SYT2: variants seen among roughly 807,000 people sequenced by gnomAD.
SYT2 encodes synaptotagmin-2.
Under a neutral mutation model 39.9 loss-of-function variants are expected in SYT2, and 15 were observed. The ratio of observed to expected loss-of-function variants is 0.38; its 90% confidence interval spans 0.25 to 0.58. The LOEUF (loss-of-function observed/expected upper bound fraction) is 0.58. Among genes scored for constraint, SYT2 ranks in the 20% least tolerant of loss-of-function variants. The pLI, the probability that SYT2 is intolerant of heterozygous loss-of-function variation, is 0.70. For missense variants in SYT2, 389 were observed against 530.3 expected (o/e 0.73, Z 2.62); for synonymous variants, 181 against 204.5 (o/e 0.89, Z 0.98).
chr1:202,684,269 A>T (rs1434636027), intron 1 of SYT2, among the ~76,000 whole-genome samples: 2 of 151,980 alleles, frequency 1.3e-5, no homozygotes, highest in African/African-American at 4.8e-5. Flanking sequence ...ATCCTACATG[A>T]CTGCAAGTTG....
chr1:202,679,987 C>T (rs781183814), intron 1 of SYT2, among the ~76,000 whole-genome samples: 1 of 152,216 alleles, frequency 6.6e-6, no homozygotes, highest in Non-Finnish European at 1.5e-5. Flanking sequence ...TATCAAATGT[C>T]ACCTCCTCTG....
rs575136139 is a variant in SYT2, at chr1:202,638,666, A to C, written c.-17-32877T>G. ...AGGGTTATTTAATGCGGAAAATCCA[A>C]AGGCTCCTTCAGAAGTCAAGTGCTC... is the stretch of plus-strand genomic sequence containing the variant. On this transcript the variant is annotated intron_variant, in intron 1 of 8. Transcript: ENST00000367268. Among the ~76,000 whole-genome samples the C allele has an allele frequency of 1.3e-4, 20 of 152,294 alleles. No homozygotes were observed. In the South Asian group the frequency reaches 4.1e-3, roughly 32 times the overall value.
chr1:202,653,433 C>T (rs140680338), intron 1 of SYT2, among the ~76,000 whole-genome samples: 2 of 152,334 alleles, frequency 1.3e-5, no homozygotes, highest in Non-Finnish European at 2.9e-5. Flanking sequence ...TTTGCTTGTA[C>T]TACCACAGGG....
At chr1:202,674,259 G>A (rs1325594490) in intron 1 of SYT2, among the ~76,000 whole-genome samples, 1 of 152,108 alleles carries the variant, frequency 6.6e-6, no homozygotes, top group Non-Finnish European at 1.5e-5. Context: ...GTACCACCAC[G>A]TGCAGCTAAT....
chr1:202,604,640 T>A lies in SYT2; in HGVS notation c.179-19A>T. 6.2e-7 allele frequency: 1 copy of A among 1,610,966 alleles called. No homozygotes were observed. The highest frequency in any genetic ancestry group is 8.5e-7 in the Non-Finnish European group (1 of 1,177,964). ...GGTGGTACTGCCCACACAGAGAAGA[T>A]CCCAGGGTCAGCAGTGCCATGCCTT... On this transcript the variant is annotated intron_variant, in intron 2 of 8. Transcript: ENST00000367268.
intron 1 of SYT2, chr1:202,627,583 G>A (rs1373409172): frequency 1.0e-6 from 1 of 985,204 alleles, no homozygotes; most frequent in African/African-American, 1.7e-5. Flanking sequence ...CATGGGGAAA[G>A]GAGATCCAGT....
Position 202,683,460 on chromosome 1 carries a change from G to A in SYT2, c.-18+26798C>T, listed in dbSNP as rs373502068. 9.8e-5 allele frequency among the ~76,000 whole-genome samples: 15 copies of A among 152,304 alleles called. No individual in the cohort carries two copies. In the East Asian group the frequency reaches 1.2e-3, roughly 12 times the overall value. ...CAGTCACAAAAGAGTGTATACTGGC[G>A]AATGTGGTGGCTCTCGCCTGTAATC... is the stretch of plus-strand genomic sequence containing the variant. On this transcript the variant is annotated intron_variant, in intron 1 of 8. Coordinates refer to ENST00000367268, the MANE Select transcript of SYT2 (RefSeq NM_177402.5).
chr1:202,695,393 A>C (rs1653947846), intron 1 of SYT2, among the ~76,000 whole-genome samples: 1 of 152,120 alleles, frequency 6.6e-6, no homozygotes, highest in Non-Finnish European at 1.5e-5. Context: ...CAAGGAACCC[A>C]TCTCCAGCCC....
chr1:202,674,573 T>C (rs953387456), intron 1 of SYT2, among the ~76,000 whole-genome samples: 1 of 152,226 alleles, frequency 6.6e-6, no homozygotes, highest in Non-Finnish European at 1.5e-5. Context: ...TGAGATTATG[T>C]GTGTTCAATC....
intron 1 of SYT2, among the ~76,000 whole-genome samples, chr1:202,625,250 GGT>G (rs1454061661): frequency 9.0e-5 from 10 of 110,844 alleles, no homozygotes; most frequent in Non-Finnish European, 1.8e-4. Context: ...GTGTGTGTGT[GGT>G]GTGTGTGGCA....
intron 1 of SYT2, among the ~76,000 whole-genome samples, chr1:202,691,771 GAGAGAGAGAGAGAT>G (rs1465833683): frequency 4.2e-5 from 6 of 144,012 alleles, no homozygotes; most frequent in African/African-American, 5.2e-5. Context: ...GAGAGAGAGA[GAGAGAGAGAGAGAT>G]GGGAGAGGGT....
At chr1:202,636,830 T>C (rs912364750) in intron 1 of SYT2, among the ~76,000 whole-genome samples, 2 of 152,256 alleles carry the variant, frequency 1.3e-5, no homozygotes, top group African/African-American at 4.8e-5. Context: ...GCAAGCTATT[T>C]CATTTCCATT....
At chr1:202,699,187 A>AT (rs1654051370) in intron 1 of SYT2, among the ~76,000 whole-genome samples, 1 of 151,046 alleles carries the variant, frequency 6.6e-6, no homozygotes, top group Middle Eastern at 3.4e-3. Flanking sequence ...CGTCCAGCTA[A>AT]TTTTTTTTAT....
chr1:202,671,526 A>G (rs1320743165), intron 1 of SYT2, among the ~76,000 whole-genome samples: 1 of 152,226 alleles, frequency 6.6e-6, no homozygotes, highest in Non-Finnish European at 1.5e-5. Context: ...AGACAACAAA[A>G]ACCCAGAGCT....
chr1:202,685,002 T>C (rs2149114358), intron 1 of SYT2, among the ~76,000 whole-genome samples: 1 of 152,150 alleles, frequency 6.6e-6, no homozygotes, highest in East Asian at 1.9e-4. Context: ...GTGACCAGCC[T>C]AAACTAGGAC....
At chr1:202,702,870 A>G (rs1654154931) in intron 1 of SYT2, among the ~76,000 whole-genome samples, 1 of 152,226 alleles carries the variant, frequency 6.6e-6, no homozygotes, top group African/African-American at 2.4e-5. Flanking sequence ...GACAGTCCTC[A>G]GAGACCTCTA....
intron 2 of SYT2, 24 bp downstream of exon 2, chr1:202,605,571 C>G (rs1690674907): frequency 6.2e-7 from 1 of 1,606,982 alleles, no homozygotes; most frequent in South Asian, 1.1e-5. Context: ...TTGCCCCACC[C>G]TCTCAGCCAC....
intron 1 of SYT2, among the ~76,000 whole-genome samples, chr1:202,621,246 C>T (rs1691195536): frequency 1.3e-5 from 2 of 152,158 alleles, no homozygotes; most frequent in African/African-American, 2.4e-5. Context: ...GGAGCTGGAT[C>T]CTCAGCCTTG....
intron 1 of SYT2, among the ~76,000 whole-genome samples, chr1:202,668,510 C>T (rs950278952): frequency 6.6e-6 from 1 of 152,136 alleles, no homozygotes; most frequent in African/African-American, 2.4e-5. Context: ...GGTTTAAAAG[C>T]TCTGGGGCAA....
Sources: gnomAD v4.1 joint callset for allele counts (sites outside exome capture counted in the v4.1 genomes callset) on GRCh38, gnomAD v4.1.1 for gene constraint, MANE v1.5 for transcripts, NCBI Gene and HGNC (gene_info 2026-07-23, HGNC 2026-07-21) for gene names.